PAPOLG: variants seen among roughly 807,000 people sequenced by gnomAD.
PAPOLG encodes the protein poly(A) polymerase gamma.
Under a neutral mutation model 99.0 loss-of-function variants are expected in PAPOLG, and 40 were observed. The observed-to-expected ratio is 0.40, with a 90% CI of 0.31 to 0.53. PAPOLG has a LOEUF of 0.53. Among genes scored for constraint, PAPOLG ranks in the 20% least tolerant of loss-of-function variants. The pLI is 0.41. For synonymous variants in PAPOLG, 310 were observed against 299.3 expected, an observed-to-expected ratio of 1.04 and a Z score of -0.37; for missense variants, 675 against 884.1, an observed-to-expected ratio of 0.76 and a Z score of 3.00.
intron 21 of PAPOLG, among the ~76,000 whole-genome samples, chr2:60,796,208 CTTT>C (rs66526788): frequency 2.7e-5 from 3 of 110,336 alleles, no homozygotes; most frequent in South Asian, 3.1e-4. Context: ...TTTTGCCTTC[CTTT>C]TTTTTTTTTT....
rs113088887 is a variant in PAPOLG, at chr2:60,760,416, T to A, written c.179+121T>A. On this transcript the variant is annotated intron_variant, in intron 2 of 21. Coordinates refer to ENST00000238714, the MANE Select transcript of PAPOLG (RefSeq NM_022894.4). ...TGCAGAAATGACAAAAAGAAAAATC[T>A]TGGCCCTCTTGGAGCTTACATTTTA... 3,628 of 895,884 alleles carry A rather than the reference T, an allele frequency of 4.0e-3. 84 individuals are homozygous for A. In the African/African-American group the frequency reaches 0.052, roughly 13 times the overall value. The allele number at this position is 895,884 out of a possible 1,614,324, so 55.5% of individuals were successfully genotyped here. A position where few individuals can be genotyped will look rare whatever the true frequency, so the allele number is the denominator to read the frequency against.
Position 60,794,717 on chromosome 2 carries a change from G to A in PAPOLG, c.1997G>A (p.Arg666Gln), listed in dbSNP as rs771898788. 1.6e-5 allele frequency: 26 copies of A among 1,610,194 alleles called. No homozygotes were observed. The highest frequency in any genetic ancestry group is 5.0e-5 in the Admixed American group (3 of 59,898). Residue 666 changes from arginine (R) to glutamine (Q), a missense_variant, in exon 20 of 22, where the codon CGA (arginine) becomes CAA (glutamine). Physicochemically the swap from Arg to Gln is conservative, Grantham distance 43 (BLOSUM62 1). Coordinates refer to ENST00000238714, the MANE Select transcript of PAPOLG (RefSeq NM_022894.4). ...TCAATGTTTATATTTTAGTTTATTC[G>A]ACTTGAATCAACATTTAAGGACCCC... ...KRLKDVEKFI[R>Q]LESTFKDPRT...
intron 5 of PAPOLG, 61 bp downstream of exon 5, chr2:60,768,951 C>T: frequency 1.6e-6 from 2 of 1,274,488 alleles, no homozygotes; most frequent in Non-Finnish European, 2.2e-6. Flanking sequence ...TCTATAAAAA[C>T]TAGGGCTTAA....
chr2:60,771,211 G>A (rs775534082), intron 6 of PAPOLG, among the ~76,000 whole-genome samples: 2 of 152,066 alleles, frequency 1.3e-5, no homozygotes, highest in Non-Finnish European at 2.9e-5. Flanking sequence ...GTTTCAAGAG[G>A]GAGTGAATGT....
chr2:60,768,594 C>G (rs1164595128), intron 4 of PAPOLG, 43 bp downstream of exon 4: 1 of 1,469,412 alleles, frequency 6.8e-7, no homozygotes, highest in Non-Finnish European at 9.4e-7. Context: ...CATTCAATAA[C>G]AAACTCTTCA....
chr2:60,756,753 G>C (rs1012197396), intron 1 of PAPOLG, among the ~76,000 whole-genome samples: 1 of 152,156 alleles, frequency 6.6e-6, no homozygotes, highest in Non-Finnish European at 1.5e-5. Context: ...AAAAGGATGA[G>C]GAGGGAAAGA....
At chr2:60,764,214 C>T (rs932230608) in intron 3 of PAPOLG, among the ~76,000 whole-genome samples, 1 of 152,172 alleles carries the variant, frequency 6.6e-6, no homozygotes, top group Admixed American at 6.5e-5. Context: ...TTTGCCTCAT[C>T]ACTAGGTAGC....
At chr2:60,796,281 G>A (rs11680600) in intron 21 of PAPOLG, among the ~76,000 whole-genome samples, 14 of 136,630 alleles carry the variant, frequency 1.0e-4, no homozygotes, top group Non-Finnish European at 1.7e-4. Context: ...GCAATGGCGC[G>A]ATCTTTTTGT....
At chr2:60,796,866 G>A (rs991566070) in intron 21 of PAPOLG, among the ~76,000 whole-genome samples, 196 bp from the exon 22 acceptor site, 10 of 152,008 alleles carry the variant, frequency 6.6e-5, no homozygotes, top group Middle Eastern at 3.2e-3. Flanking sequence ...ACCTCTGACT[G>A]TAAAAAGAAG....
At chr2:60,776,921 ATCT>A (rs1047380879) in intron 8 of PAPOLG, among the ~76,000 whole-genome samples, 1 of 152,160 alleles carries the variant, frequency 6.6e-6, no homozygotes, top group Non-Finnish European at 1.5e-5. Flanking sequence ...TTTTAACTAG[ATCT>A]TCTGGATAAC....
At chr2:60,796,056 C>G (rs1487204183) in intron 21 of PAPOLG, among the ~76,000 whole-genome samples, 1 of 152,024 alleles carries the variant, frequency 6.6e-6, no homozygotes, top group African/African-American at 2.4e-5. Context: ...CTGGTGTCTA[C>G]TTCTTTGTAT....
At position 60,800,792 on chromosome 2, in the gene PAPOLG, G is replaced by C. The variant is rs1318851875; in HGVS notation, c.*3632G>C. ...GCTTCTCGAAGTGGCAAAAGTATGG[G>C]AGTTAGGGTTAGGAACCACCAGGAT... is the stretch of plus-strand genomic sequence containing the variant. On this transcript the variant is annotated 3_prime_UTR_variant, in exon 22 of 22. Transcript: ENST00000238714. 1.3e-5 allele frequency: 2 copies of C among 152,186 alleles called. No individual in the cohort carries two copies. Among genetic ancestry groups the C allele is most frequent in the South Asian group, 2.1e-4 (1 of 4,822 alleles). The allele number at this position is 152,186 out of a possible 1,614,324, so 9.4% of individuals were successfully genotyped here. A position where few individuals can be genotyped will look rare whatever the true frequency, so the allele number is the denominator to read the frequency against.
At chr2:60,768,937 A>G (rs1670765802) in intron 5 of PAPOLG, 47 bp downstream of exon 5, 10 of 1,370,840 alleles carry the variant, frequency 7.3e-6, no homozygotes, top group African/African-American at 1.5e-5. Flanking sequence ...ATTAGTAACA[A>G]ATATCTATAA....
Position 60,775,019 on chromosome 2 carries a change from C to CTT in PAPOLG, c.605-13_605-12dup, listed in dbSNP as rs749468719. On this transcript the variant is annotated splice_polypyrimidine_tract_variant and intron_variant, in intron 7 of 21. Coordinates refer to ENST00000238714, the MANE Select transcript of PAPOLG (RefSeq NM_022894.4). ...TTTGCTGCATAGTGAAAAATGAATG[C>CTT]TTTGTCTTTTTCAGGTTGTAGAGTT... 4 of 1,611,778 alleles carry CTT rather than the reference C, an allele frequency of 2.5e-6. No homozygotes were observed. In the South Asian group the frequency reaches 4.4e-5, roughly 18 times the overall value.
intron 11 of PAPOLG, 123 bp from the exon 12 acceptor site, chr2:60,782,563 A>G: frequency 7.6e-7 from 1 of 1,310,184 alleles, no homozygotes; most frequent in East Asian, 3.0e-5. Flanking sequence ...TCTCAAAAAA[A>G]GAAAAAAAAA....
chr2:60,797,000 C>T, intron 21 of PAPOLG, 62 bp from the exon 22 acceptor site: 1 of 1,593,972 alleles, frequency 6.3e-7, no homozygotes, highest in Non-Finnish European at 8.6e-7. Context: ...GACTTTCTAG[C>T]TGGGCCTTTA....
Position 60,801,834 on chromosome 2 carries a change from T to C in PAPOLG, c.*4674T>C, listed in dbSNP as rs1269857053. On this transcript the variant is annotated 3_prime_UTR_variant, in exon 22 of 22. Coordinates refer to ENST00000238714, the MANE Select transcript of PAPOLG (RefSeq NM_022894.4). ...CAAGCTTGCTATAAGTTTTAAGCTA[T>C]TGCTACATTTGAACAAAGACCCACG... 6.6e-6 allele frequency: 1 copy of C among 152,132 alleles called. No individual in the cohort carries two copies. Among genetic ancestry groups the C allele is most frequent in the Non-Finnish European group, 1.5e-5 (1 of 67,952 alleles). The allele number at this position is 152,132 out of a possible 1,614,324, so 9.4% of individuals were successfully genotyped here.
chr2:60,793,775 G>C, intron 18 of PAPOLG, 60 bp downstream of exon 18: 1 of 1,539,582 alleles, frequency 6.5e-7, no homozygotes, highest in Non-Finnish European at 8.8e-7. Flanking sequence ...GCTAGGCATG[G>C]TGGCACACGC....
At chr2:60,761,682 T>C in intron 2 of PAPOLG, 59 bp from the exon 3 acceptor site, 1 of 1,484,670 alleles carries the variant, frequency 6.7e-7, no homozygotes, top group Middle Eastern at 2.1e-4. Context: ...TATGGGTTTT[T>C]AAAAATACTG....
Sources: allele counts gnomAD v4.1 joint callset (sites outside exome capture counted in the v4.1 genomes callset), GRCh38; gene constraint gnomAD v4.1.1; transcripts MANE v1.5; gene names NCBI Gene and HGNC (gene_info 2026-07-23, HGNC 2026-07-21).